MCF2L: variants seen among roughly 807,000 people sequenced by gnomAD.
MCF2L encodes the protein guanine nucleotide exchange factor DBS.
In MCF2L, 97 loss-of-function variants were observed where a neutral mutation model predicts 153.4. The ratio of observed to expected loss-of-function variants is 0.63; its 90% CI spans 0.54 to 0.75. The LOEUF is 0.75. MCF2L is among the 30% of genes least tolerant of loss of function. MCF2L has a pLI of 0.00. For missense variants in MCF2L, 1,347 were observed against 1,495.2 expected, an observed-to-expected ratio of 0.90 and a Z score of 1.64; for synonymous variants, 659 against 632.2, an observed-to-expected ratio of 1.04 and a Z score of -0.64.
intron 3 of MCF2L, among the ~76,000 whole-genome samples, chr13:113,029,882 A>G (rs958600850): frequency 6.6e-6 from 1 of 152,242 alleles, no homozygotes; most frequent in African/African-American, 2.4e-5. Flanking sequence ...TTCACATGTC[A>G]ATGCAAATTA....
In MCF2L at chr13:112,960,717, C is replaced by T. The variant is rs534091220; in HGVS notation, c.170-54046C>T. Among the ~76,000 whole-genome samples, 1 of 152,276 alleles carries T rather than the reference C, an allele frequency of 6.6e-6. No individual in the cohort carries two copies. The highest frequency in any genetic ancestry group is 2.1e-4 in the South Asian group (1 of 4,820). On this transcript the variant is annotated intron_variant, in intron 2 of 29. Coordinates refer to the MCF2L transcript ENST00000375608. This position sits in a 1 kb window ranked among gnomAD's most constrained non-coding sequence, Gnocchi z 4.2. Reference sequence around the variant, plus strand: ...CAGGGCTAGTCCCTTCTGGAGGCTCCAGGAAGAATCCTTTCCTCGCCCTGT... The same window carrying T: ...CAGGGCTAGTCCCTTCTGGAGGCTCTAGGAAGAATCCTTTCCTCGCCCTGT...
intron 4 of MCF2L, among the ~76,000 whole-genome samples, chr13:113,057,893 G>T (rs2030481707): frequency 7.3e-6 from 1 of 136,314 alleles, no homozygotes; most frequent in South Asian, 2.5e-4. Context: ...GAGTGTTTGG[G>T]TGCTGAGTGG....
chr13:113,083,678 C>T (rs1387329320), intron 17 of MCF2L, among the ~76,000 whole-genome samples: 1 of 152,224 alleles, frequency 6.6e-6, no homozygotes, highest in Non-Finnish European at 1.5e-5. Flanking sequence ...GGTGGCGCCT[C>T]CAGGGCCCTG....
chr13:112,919,855 A>T (rs543674583), intron 2 of MCF2L, among the ~76,000 whole-genome samples: 1 of 152,364 alleles, frequency 6.6e-6, no homozygotes, highest in Admixed American at 6.5e-5. Flanking sequence ...GAGATGCAAT[A>T]TCAAATTTTT....
In MCF2L at chr13:113,054,721, ACCCAGTTCTACAAAGTT is replaced by A. The variant is rs1168292907; in HGVS notation, c.370-5866_370-5850del. ...TTTTTCAAACAGGGTTCCCCAAAGT[ACCCAGTTCTACAAAGTT>A]CCCAGCATGTCCTGTTGCTTTAGCT... On this transcript the variant is annotated intron_variant, in intron 4 of 29. Transcript: ENST00000535094. The surrounding 1 kb of genome is among the most constrained non-coding windows in gnomAD (Gnocchi z 5.2). The A allele has an allele frequency of 1.1e-4, 17 of 152,330 alleles. No individual in the cohort carries two copies. Among genetic ancestry groups the A allele is most frequent in the African/African-American group, 4.1e-4 (17 of 41,566 alleles). The allele number at this position is 152,330 out of a possible 1,614,324, so 9.4% of individuals were successfully genotyped here.
chr13:113,052,259 C>T (rs561019945), intron 4 of MCF2L, among the ~76,000 whole-genome samples: 42 of 152,334 alleles, frequency 2.8e-4, no homozygotes, highest in African/African-American at 8.4e-4. Flanking sequence ...CTCTGAGACC[C>T]GGGCTCGCTC....
At chr13:113,065,266 C>T in intron 7 of MCF2L, 181 bp downstream of exon 7, 1 of 646,272 alleles carries the variant, frequency 1.5e-6, no homozygotes, top group South Asian at 1.9e-5. Flanking sequence ...GCTCGGCAAC[C>T]TCTCCGACGA....
intron 4 of MCF2L, among the ~76,000 whole-genome samples, chr13:113,050,711 CAG>C (rs1491445893): frequency 4.3e-5 from 2 of 46,584 alleles, no homozygotes; most frequent in Middle Eastern, 0.012. Context: ...GCGGGAGGAG[CAG>C]GGGGGGCGGG....
At chr13:113,009,910 A>T (rs9549633) in intron 1 of MCF2L, 49,363 of 152,104 alleles carry the variant, frequency 0.32, 8,062 homozygotes, top group Middle Eastern at 0.45. Flanking sequence ...GGGAATGGGC[A>T]TTTTGCCAGA....
At position 113,034,584 on chromosome 13, in the gene MCF2L, G is replaced by A. The variant is rs148788567; in HGVS notation, c.278+9826G>A. Among the ~76,000 whole-genome samples the A allele has an allele frequency of 4.6e-3, 684 of 148,256 alleles. 23 individuals are homozygous for A. The East Asian group carries it at 0.094, about 20-fold the overall frequency. On this transcript the variant is annotated intron_variant, in intron 3 of 29. Transcript: ENST00000535094. ...CACCCTCGCCCTCACCTTCTCCCTC[G>A]CCCTGGTCTCACCCTCGCCCTCACC...
intron 12 of MCF2L, 48 bp downstream of exon 12, chr13:113,076,205 T>A (rs1339264794): frequency 4.3e-6 from 6 of 1,380,860 alleles, no homozygotes; most frequent in Non-Finnish European, 6.0e-6. Flanking sequence ...TCCCGAGCAG[T>A]GAGGCATTCC....
intron 2 of MCF2L, among the ~76,000 whole-genome samples, chr13:112,955,867 C>T (rs183044193): frequency 1.3e-3 from 195 of 152,272 alleles, no homozygotes; most frequent in Non-Finnish European, 2.3e-3. Flanking sequence ...GGAGAATAAA[C>T]GTCAGCTCAG....
chr13:113,095,469 G>C, intron 27 of MCF2L: 3 of 1,069,868 alleles, frequency 2.8e-6, no homozygotes, highest in Non-Finnish European at 3.4e-6. Flanking sequence ...CAGGGTGCAC[G>C]GGGCCTGGGG....
chr13:113,014,099 G>A (rs1164508464), intron 1 of MCF2L, among the ~76,000 whole-genome samples: 1 of 152,242 alleles, frequency 6.6e-6, no homozygotes, highest in Non-Finnish European at 1.5e-5. Context: ...CTGGCCCCAT[G>A]CTCCCCCCGT....
chr13:113,075,032 A>G lies in MCF2L; in HGVS notation c.1151A>G (p.Asp384Gly), dbSNP rs368226394. 3.6e-5 allele frequency: 58 copies of G among 1,610,980 alleles called. No individual in the cohort carries two copies. Among genetic ancestry groups the G allele is most frequent in the Admixed American group, 1.7e-4 (10 of 59,948 alleles). ...AVERARALSLDGEQLIGNKHY... is the reference protein window; with the variant it reads ...AVERARALSLGGEQLIGNKHY... ...GAGAGGGCCCGGGCCCTGTCTCTGG[A>G]CGGCGAGCAGCTCATTGGGAACAAG... Residue 384 changes from aspartate (D) to glycine (G), a missense_variant, in exon 11 of 30, where the codon GAC becomes GGC. Asp to Gly is a moderately conservative substitution (Grantham distance 94, BLOSUM62 -1). This residue lies in a region of MCF2L where 820 missense variants were observed against 921.2 expected (regional missense o/e 0.89). Transcript: ENST00000535094.
At chr13:112,976,139 C>T (rs9549326) in intron 1 of MCF2L, among the ~76,000 whole-genome samples, 33,734 of 111,628 alleles carry the variant, frequency 0.3, 4,016 homozygotes, top group South Asian at 0.37. Flanking sequence ...GCGAATGTTC[C>T]GGGTTTTTTT....
At chr13:112,916,077 G>A (rs2081288830) in intron 2 of MCF2L, among the ~76,000 whole-genome samples, 1 of 151,816 alleles carries the variant, frequency 6.6e-6, no homozygotes, top group East Asian at 1.9e-4. Context: ...GCATGATGGC[G>A]GTTGTCTGTA....
intron 1 of MCF2L, among the ~76,000 whole-genome samples, 173 bp from the exon 2 acceptor site, chr13:113,014,590 G>A (rs537381879): frequency 7.2e-5 from 11 of 152,204 alleles, no homozygotes; most frequent in Non-Finnish European, 1.2e-4. Context: ...GCTTTTATGC[G>A]CTGAGAAACA....
chr13:112,913,484 C>G (rs148288075), intron 2 of MCF2L, among the ~76,000 whole-genome samples: 7 of 152,138 alleles, frequency 4.6e-5, no homozygotes, highest in African/African-American at 1.7e-4. Flanking sequence ...CCTTTCTTCT[C>G]GGGGACAAAT....
Sources: gnomAD v4.1 joint callset for allele counts (sites outside exome capture counted in the v4.1 genomes callset) on GRCh38, gnomAD v4.1.1 for gene constraint, gnomAD v4.1.1 regional missense constraint, Gnocchi (gnomAD v3.1) non-coding constraint, MANE v1.5 for transcripts, NCBI Gene and HGNC (gene_info 2026-07-23, HGNC 2026-07-21) for gene names.